Variants in MALRD1 observed in about 807,000 individuals in gnomAD.
MALRD1 encodes MAM and LDL receptor class A domain containing 1.
Under a neutral mutation model 242.1 loss-of-function variants are expected in MALRD1, and 247 were observed. The ratio of observed to expected loss-of-function variants is 1.02; its 90% CI spans 0.92 to 1.13. MALRD1 has a LOEUF of 1.13. MALRD1 is among the 50% of genes most tolerant of loss of function. The pLI is 0.00. For missense variants in MALRD1, 2,989 were observed against 2,533.1 expected (o/e 1.18, Z -3.86); for synonymous variants, 995 against 866.6 (o/e 1.15, Z -2.60).
At chr10:19,344,880 A>G (rs1844041202) in intron 24 of MALRD1, among the ~76,000 whole-genome samples, 1 of 152,076 alleles carries the variant, frequency 6.6e-6, no homozygotes, top group Non-Finnish European at 1.5e-5. Flanking sequence ...TGGACAAATT[A>G]TAGGATTTGG....
intron 32 of MALRD1, among the ~76,000 whole-genome samples, chr10:19,563,933 G>A (rs1836134332): frequency 1.3e-5 from 2 of 152,204 alleles, no homozygotes. Flanking sequence ...GTGGCACACC[G>A]CCCGCCTCCG....
At chr10:19,048,016 C>G (rs1834381265), upstream of MALRD1, among the ~76,000 whole-genome samples, 1 of 152,128 alleles carries the variant, frequency 6.6e-6, no homozygotes, top group Non-Finnish European at 1.5e-5. Context: ...TATTCACGCT[C>G]ATAAGATTAT....
chr10:19,332,301 G>A (rs1000260427), intron 24 of MALRD1, among the ~76,000 whole-genome samples: 4 of 151,460 alleles, frequency 2.6e-5, no homozygotes, highest in Non-Finnish European at 2.9e-5. Context: ...ATTGTCAGAT[G>A]TGATAGGTTG....
chr10:19,118,376 TATCA>T (rs907141297), intron 5 of MALRD1, among the ~76,000 whole-genome samples: 1 of 152,140 alleles, frequency 6.6e-6, no homozygotes, highest in Non-Finnish European at 1.5e-5. Context: ...AGACATAAAA[TATCA>T]ATCAATGAAT....
intron 14 of MALRD1, among the ~76,000 whole-genome samples, chr10:19,176,499 C>A (rs1195775200): frequency 6.7e-6 from 1 of 148,762 alleles, no homozygotes; most frequent in Non-Finnish European, 1.5e-5. Flanking sequence ...CTCAGCCTCC[C>A]GAGTAGCTGG....
At chr10:19,429,632 C>T (rs966265262) in intron 28 of MALRD1, among the ~76,000 whole-genome samples, 1 of 152,088 alleles carries the variant, frequency 6.6e-6, no homozygotes, top group African/African-American at 2.4e-5. Context: ...GCTGCTAAGC[C>T]TGTGGGTATT....
intron 31 of MALRD1, among the ~76,000 whole-genome samples, chr10:19,524,466 GAAAA>G (rs374439190): frequency 1.4e-5 from 2 of 144,496 alleles, no homozygotes; most frequent in African/African-American, 5.1e-5. Context: ...GACAGAGTAA[GAAAA>G]AAAAAAAATT....
intron 14 of MALRD1, among the ~76,000 whole-genome samples, chr10:19,194,303 G>A (rs1836133266): frequency 6.6e-6 from 1 of 152,126 alleles, no homozygotes; most frequent in Non-Finnish European, 1.5e-5. Flanking sequence ...TTAATACACA[G>A]TTATTGATTG....
chr10:19,134,255 T>C (rs1210796113), intron 9 of MALRD1, among the ~76,000 whole-genome samples: 1 of 152,188 alleles, frequency 6.6e-6, no homozygotes, highest in Non-Finnish European at 1.5e-5. Context: ...ATGAAGTAGG[T>C]AAATAGTAAA....
rs142313562 is a variant in MALRD1 at position 19,388,684 on chromosome 10, G to A, written c.4688-768G>A. Among the ~76,000 whole-genome samples the A allele has an allele frequency of 5.9e-5, 9 of 152,212 alleles. No homozygotes were observed. The East Asian group carries it at 1.4e-3, about 23-fold the overall frequency. On this transcript the variant is annotated intron_variant, in intron 27 of 39. Coordinates refer to ENST00000454679, the MANE Select transcript of MALRD1 (RefSeq NM_001142308.3). ...AGGGTGTTGGGCATGGCTCATTTTT[G>A]TAGTGAGTGGCTGAGACTTGATGAA...
intron 9 of MALRD1, among the ~76,000 whole-genome samples, 167 bp downstream of exon 9, chr10:19,134,115 T>C (rs1020257683): frequency 6.6e-6 from 1 of 152,166 alleles, no homozygotes; most frequent in Non-Finnish European, 1.5e-5. Context: ...ACCTTTTCCT[T>C]CTGAGACCAA....
At chr10:19,583,603 A>G (rs1473102626) in intron 33 of MALRD1, among the ~76,000 whole-genome samples, 1 of 152,042 alleles carries the variant, frequency 6.6e-6, no homozygotes, top group Non-Finnish European at 1.5e-5. Flanking sequence ...AAGCTTTTCG[A>G]TGTGCTGCTG....
intron 28 of MALRD1, among the ~76,000 whole-genome samples, chr10:19,442,761 GA>G (rs1834739107): frequency 6.6e-6 from 1 of 152,154 alleles, no homozygotes; most frequent in Non-Finnish European, 1.5e-5. Flanking sequence ...GTTCATCAGA[GA>G]TATTTTTCTA....
At chr10:19,047,113 A>G (rs902137811), upstream of MALRD1, among the ~76,000 whole-genome samples, 3 of 152,220 alleles carry the variant, frequency 2.0e-5, no homozygotes, top group Non-Finnish European at 4.4e-5. Flanking sequence ...TGTGAGTACC[A>G]GAAACATGCT....
chr10:19,106,679 G>A (rs749980793), intron 5 of MALRD1, among the ~76,000 whole-genome samples: 7 of 151,544 alleles, frequency 4.6e-5, no homozygotes, highest in Non-Finnish European at 3.0e-5. Context: ...ACTAATTTGG[G>A]GTTTAGTTTC....
chr10:19,391,584 C>T (rs1194217652), intron 28 of MALRD1, among the ~76,000 whole-genome samples: 3 of 152,174 alleles, frequency 2.0e-5, no homozygotes, highest in Non-Finnish European at 4.4e-5. Context: ...CACTCCCTGT[C>T]TATTCTTAGT....
intron 5 of MALRD1, among the ~76,000 whole-genome samples, chr10:19,113,818 C>G (rs1004574825): frequency 2.0e-5 from 3 of 147,392 alleles, no homozygotes; most frequent in Non-Finnish European, 3.0e-5. Flanking sequence ...CACACACACA[C>G]ACACACACAC....
Position 19,409,455 on chromosome 10 carries a change from TA to T in MALRD1, c.4845+19854del, listed in dbSNP as rs926648953. 3.3e-5 allele frequency among the ~76,000 whole-genome samples: 5 copies of T among 151,608 alleles called. 1 individual carries two copies. Among genetic ancestry groups the T allele is most frequent in the Admixed American group, 3.3e-4 (5 of 15,208 alleles). ...CGGCAACAGAGTGAGACCCCATCTT[TA>T]AAAAAAATAAATGAAAATAAATAGA... On this transcript the variant is annotated intron_variant, in intron 28 of 39. Coordinates refer to ENST00000454679, the MANE Select transcript of MALRD1 (RefSeq NM_001142308.3).
intron 14 of MALRD1, among the ~76,000 whole-genome samples, chr10:19,184,546 GTTTTGTTTTGTTTTGTT>G (rs1473272547): frequency 1.3e-5 from 1 of 76,872 alleles, no homozygotes; most frequent in East Asian, 4.2e-4. Flanking sequence ...AGTTGTTGTT[GTTTTGTTTTGTTTTGTT>G]TTTGAAACAG....
Sources: gnomAD v4.1 joint callset for allele counts (sites outside exome capture counted in the v4.1 genomes callset) on GRCh38, gnomAD v4.1.1 for gene constraint, MANE v1.5 for transcripts, NCBI Gene and HGNC (gene_info 2026-07-23, HGNC 2026-07-21) for gene names.